SAMD12: variants seen among roughly 807,000 people sequenced by gnomAD.
SAMD12 encodes the protein sterile alpha motif domain containing 12, also known as sterile alpha motif domain-containing protein 12.
A neutral mutation model predicts 15.0 loss-of-function variants in SAMD12; 9 were observed. The ratio of observed to expected loss-of-function variants is 0.60; its 90% CI spans 0.36 to 1.05. The LOEUF is 1.05. Among genes scored for constraint, SAMD12 ranks in the 50% least tolerant of loss-of-function variants. The pLI is 0.01. For missense variants in SAMD12, 230 were observed against 234.2 expected, an observed-to-expected ratio of 0.98 and a Z score of 0.12; for synonymous variants, 86 against 90.1, an observed-to-expected ratio of 0.96 and a Z score of 0.25.
rs118009139 is a variant in SAMD12, at chr8:118,437,439, T to C, written c.322+2393A>G. On this transcript the variant is annotated intron_variant, in intron 3 of 3. Transcript: ENST00000314727. ...CTTAAAAGGAAATAACAGCATGTTTTTCGACACTTCCAGGTGAGTCCTGAC... is the reference window on the plus strand; with the variant it reads ...CTTAAAAGGAAATAACAGCATGTTTCTCGACACTTCCAGGTGAGTCCTGAC... Among the ~76,000 whole-genome samples the C allele has an allele frequency of 5.0e-3, 760 of 152,312 alleles. 6 individuals carry two copies. The highest frequency in any genetic ancestry group is 7.9e-3 in the Non-Finnish European group (538 of 68,014).
At chr8:118,389,616 G>A (rs1179121130) in intron 3 of SAMD12, among the ~76,000 whole-genome samples, 1 of 152,108 alleles carries the variant, frequency 6.6e-6, no homozygotes, top group Non-Finnish European at 1.5e-5. Context: ...TGGGGAGGCT[G>A]AGGCAGGAGA....
intron 2 of SAMD12, among the ~76,000 whole-genome samples, chr8:118,454,350 A>C (rs981417789): frequency 1.2e-4 from 19 of 152,086 alleles, no homozygotes; most frequent in Non-Finnish European, 2.2e-4. Flanking sequence ...GATATCTTAC[A>C]TTTTTCCCCT....
At chr8:118,328,091 CTCT>C (rs1454363006) in intron 4 of SAMD12, among the ~76,000 whole-genome samples, 1 of 152,170 alleles carries the variant, frequency 6.6e-6, no homozygotes, top group Non-Finnish European at 1.5e-5. Flanking sequence ...ATGGTCTGCT[CTCT>C]TCACCTTTTT....
chr8:118,589,745 A>C (rs117108291), intron 1 of SAMD12, among the ~76,000 whole-genome samples: 247 of 152,304 alleles, frequency 1.6e-3, no homozygotes, highest in Admixed American at 2.5e-3. Context: ...ACAGAAAGAG[A>C]TTTCACATTG....
chr8:118,258,818 T>C (rs11562663), intron 4 of SAMD12, among the ~76,000 whole-genome samples: 4,092 of 152,180 alleles, frequency 0.027, 93 homozygotes, highest in African/African-American at 0.055. Flanking sequence ...ATCGCAGTGA[T>C]ACCAGCTTTG....
intron 2 of SAMD12, among the ~76,000 whole-genome samples, chr8:118,457,041 C>T (rs1823275511): frequency 6.6e-6 from 1 of 152,162 alleles, no homozygotes; most frequent in Non-Finnish European, 1.5e-5. Flanking sequence ...ACATTTATCT[C>T]ACATGTTTGC....
At chr8:118,534,627 A>G (rs1825788049) in intron 2 of SAMD12, among the ~76,000 whole-genome samples, 2 of 152,120 alleles carry the variant, frequency 1.3e-5, no homozygotes, top group South Asian at 4.2e-4. Context: ...TATTTCTTGG[A>G]GGCTTTGTTC....
chr8:118,204,441 C>T (rs948178930), intron 4 of SAMD12, among the ~76,000 whole-genome samples: 18 of 151,962 alleles, frequency 1.2e-4, no homozygotes, highest in African/African-American at 1.7e-4. Flanking sequence ...ACCCTCTGAC[C>T]GCATGAAGAT....
chr8:118,565,239 C>G (rs573159696), intron 2 of SAMD12, among the ~76,000 whole-genome samples: 93 of 152,300 alleles, frequency 6.1e-4, no homozygotes, highest in Non-Finnish European at 1.2e-3. Context: ...ATGCATTGGA[C>G]TCCTTTTACT....
intron 3 of SAMD12, among the ~76,000 whole-genome samples, chr8:118,396,396 G>A (rs1039902572): frequency 3.9e-5 from 6 of 152,082 alleles, no homozygotes; most frequent in Non-Finnish European, 7.3e-5. Flanking sequence ...GGCTTCCATT[G>A]TTACACCTAC....
At chr8:118,373,690 T>G (rs190465954), downstream of SAMD12, among the ~76,000 whole-genome samples, 2 of 152,284 alleles carry the variant, frequency 1.3e-5, no homozygotes, top group African/African-American at 4.8e-5. Context: ...TTTTTCATCT[T>G]ATAGGGAATA....
chr8:118,213,895 G>A (rs879323561), intron 4 of SAMD12, among the ~76,000 whole-genome samples: 24 of 152,116 alleles, frequency 1.6e-4, no homozygotes, highest in African/African-American at 4.6e-4. Flanking sequence ...AATTCTGGTC[G>A]GTTCAGGAAA....
At chr8:118,171,469 C>T in the SAMD12 span, among the ~76,000 whole-genome samples, 3 of 152,136 alleles carry the variant, frequency 2.0e-5, no homozygotes, top group African/African-American at 7.2e-5. Flanking sequence ...AAACAAAATG[C>T]AGTATATCCA....
chr8:118,562,900 A>C (rs1001364198), intron 2 of SAMD12, among the ~76,000 whole-genome samples: 2 of 152,190 alleles, frequency 1.3e-5, no homozygotes, highest in African/African-American at 4.8e-5. Context: ...CCTGGAGATA[A>C]GGAGCTGTCA....
intron 4 of SAMD12, among the ~76,000 whole-genome samples, chr8:118,290,811 T>G (rs961278074): frequency 6.6e-6 from 1 of 152,208 alleles, no homozygotes; most frequent in African/African-American, 2.4e-5. Flanking sequence ...CCCTTCCAGT[T>G]CAGGATTTCT....
rs185136044 is a variant in SAMD12 at position 118,619,717 on chromosome 8, G to A, written c.13+2087C>T. Among the ~76,000 whole-genome samples, 3 of 152,198 alleles carry A rather than the reference G, an allele frequency of 2.0e-5. No homozygotes were observed. The East Asian group carries it at 5.8e-4, about 29-fold the overall frequency. On this transcript the variant is annotated intron_variant, in intron 1 of 3. Coordinates refer to ENST00000314727, the MANE Select transcript of SAMD12 (RefSeq NM_207506.3). The stretch of plus-strand genomic sequence containing the variant: ...CCAAGGGGGTTAGAGTCTAGTAAGA[G>A]GCAGATTAAGTATGATAAGTATTAA...
chr8:118,460,298 C>A (rs1823377569), intron 2 of SAMD12, among the ~76,000 whole-genome samples: 1 of 152,178 alleles, frequency 6.6e-6, no homozygotes, highest in Non-Finnish European at 1.5e-5. Context: ...AAGGAAGGTT[C>A]ATTTATTCAA....
chr8:118,305,832 C>T (rs76962316), intron 4 of SAMD12, among the ~76,000 whole-genome samples: 344 of 152,206 alleles, frequency 2.3e-3, no homozygotes, highest in Non-Finnish European at 3.8e-3. Flanking sequence ...GACTCCCTTG[C>T]GCTACACCTT....
intron 4 of SAMD12, among the ~76,000 whole-genome samples, chr8:118,231,988 C>G (rs554540896): frequency 6.6e-6 from 1 of 152,254 alleles, no homozygotes; most frequent in East Asian, 1.9e-4. Flanking sequence ...ACTTTGAAAG[C>G]CACTTATTGA....
Sources: allele counts gnomAD v4.1 joint callset (sites outside exome capture counted in the v4.1 genomes callset), GRCh38; gene constraint gnomAD v4.1.1; transcripts MANE v1.5; gene names NCBI Gene and HGNC (gene_info 2026-07-23, HGNC 2026-07-21).